Variants in HSPA12A observed in about 807,000 individuals in gnomAD.
The protein encoded by HSPA12A is heat shock 70 kDa protein 12A.
Under a neutral mutation model 69.2 loss-of-function variants are expected in HSPA12A, and 28 were observed. The ratio of observed to expected loss-of-function variants is 0.40; its 90% CI spans 0.30 to 0.55. HSPA12A has a LOEUF of 0.55. Ranked by LOEUF, HSPA12A falls within the 20% of genes least tolerant of loss-of-function variation. The pLI, the probability that HSPA12A is intolerant of heterozygous loss-of-function variation, is 0.38. For synonymous variants in HSPA12A, 345 were observed against 370.5 expected (o/e 0.93, Z 0.79); for missense variants, 686 against 900.7 (o/e 0.76, Z 3.05).
At position 116,756,512 on chromosome 10, in the gene HSPA12A, CCCTGAGCCTGCTCG is replaced by C. The variant is rs1484333237; in HGVS notation, c.92-49241_92-49228del. Among the ~76,000 whole-genome samples the C allele has an allele frequency of 2.6e-5, 4 of 152,240 alleles. No individual in the cohort carries two copies. In the East Asian group the frequency reaches 7.7e-4, roughly 29 times the overall value. Reference sequence around the variant, plus strand: ...GAGTGAGCTCAGAATGGCTGCCCTTCCCTGAGCCTGCTCGCCTTGGCACACGGGCACCCTCTGGG... The same window carrying C: ...GAGTGAGCTCAGAATGGCTGCCCTTCCCTTGGCACACGGGCACCCTCTGGG... On this transcript the variant is annotated intron_variant, in intron 2 of 12. Transcript: ENST00000635765.
intron 2 of HSPA12A, among the ~76,000 whole-genome samples, chr10:116,790,092 CTTTTTTTT>C (rs140785704): frequency 4.3e-5 from 3 of 69,148 alleles, no homozygotes; most frequent in Middle Eastern, 0.013. Context: ...GATAATCTTT[CTTTTTTTT>C]TTTTTTTTTT....
intron 1 of HSPA12A, among the ~76,000 whole-genome samples, chr10:116,726,570 C>T (rs1850969425): frequency 6.6e-6 from 1 of 152,102 alleles, no homozygotes; most frequent in African/African-American, 2.4e-5. Flanking sequence ...TTGGGTAGAC[C>T]ATCCCCAATT....
chr10:116,779,175 G>C (rs1269799135), intron 2 of HSPA12A, among the ~76,000 whole-genome samples: 1 of 152,182 alleles, frequency 6.6e-6, no homozygotes, highest in Non-Finnish European at 1.5e-5. Flanking sequence ...GCAACATCGT[G>C]AGCGACACAT....
chr10:116,690,946 C>A (rs782579252), intron 6 of HSPA12A, among the ~76,000 whole-genome samples: 1 of 152,228 alleles, frequency 6.6e-6, no homozygotes, highest in Non-Finnish European at 1.5e-5. Flanking sequence ...CGCCAGGTGG[C>A]GTCTCTGCAG....
chr10:116,792,825 G>A (rs1051623919), intron 2 of HSPA12A, among the ~76,000 whole-genome samples: 7 of 150,124 alleles, frequency 4.7e-5, no homozygotes, highest in South Asian at 4.2e-4. Context: ...AAGAAAGAAA[G>A]AAAGAAAAAG....
chr10:116,759,288 G>A (rs1843920255), intron 2 of HSPA12A, among the ~76,000 whole-genome samples: 1 of 152,190 alleles, frequency 6.6e-6, no homozygotes, highest in Non-Finnish European at 1.5e-5. Flanking sequence ...CAGTTTCACT[G>A]TTAGCTTGAC....
intron 2 of HSPA12A, among the ~76,000 whole-genome samples, chr10:116,765,331 T>C (rs782413430): frequency 1.3e-4 from 20 of 151,944 alleles, no homozygotes; most frequent in Non-Finnish European, 2.2e-4. Flanking sequence ...CAAAAAAAAT[T>C]TAAATTAAAT....
intron 2 of HSPA12A, among the ~76,000 whole-genome samples, chr10:116,820,770 T>C (rs1845398002): frequency 6.6e-6 from 1 of 152,082 alleles, no homozygotes; most frequent in Non-Finnish European, 1.5e-5. Context: ...TTGACATTTC[T>C]AGTCGGAGCT....
rs1182877230 is a variant in HSPA12A at position 116,740,697 on chromosome 10, CGTGT to C, written c.40+1729_40+1732del. On this transcript the variant is annotated intron_variant, in intron 1 of 11. Coordinates refer to ENST00000369209, the MANE Select transcript of HSPA12A (RefSeq NM_025015.3). ...GTGTCTGTGTGTGTGTGTGTGTGTGCGTGTGTGTGTGTGTTAGGATAGGGGTGCT... is the reference window on the plus strand; with the variant it reads ...GTGTCTGTGTGTGTGTGTGTGTGTGCGTGTGTGTGTTAGGATAGGGGTGCT... 6.9e-3 allele frequency among the ~76,000 whole-genome samples: 594 copies of C among 86,554 alleles called. 4 individuals carry two copies. The highest frequency in any genetic ancestry group is 0.025 in the African/African-American group (522 of 20,832). The allele number at this position is 86,554 out of a possible 152,430, so 56.8% of individuals were successfully genotyped here. A position where few individuals can be genotyped will look rare whatever the true frequency, so the allele number is the denominator to read the frequency against.
At chr10:116,767,150 T>C (rs1279634516) in intron 2 of HSPA12A, among the ~76,000 whole-genome samples, 1 of 152,112 alleles carries the variant, frequency 6.6e-6, no homozygotes, top group Non-Finnish European at 1.5e-5. Flanking sequence ...TGCTTCACAG[T>C]GTCTCCTCTC....
At chr10:116,842,689 G>A (rs1589736699) in intron 1 of HSPA12A, among the ~76,000 whole-genome samples, 2 of 152,220 alleles carry the variant, frequency 1.3e-5, no homozygotes, top group East Asian at 1.9e-4. Flanking sequence ...TACAACCTCT[G>A]CCTCCCGGGT....
chr10:116,690,841 G>A (rs1445302509), intron 6 of HSPA12A, among the ~76,000 whole-genome samples: 2 of 151,484 alleles, frequency 1.3e-5, no homozygotes, highest in Non-Finnish European at 2.9e-5. Flanking sequence ...TGACCTTTTC[G>A]TGGGTCACAC....
At chr10:116,757,254 G>A (rs1450692569) in intron 2 of HSPA12A, among the ~76,000 whole-genome samples, 2 of 152,302 alleles carry the variant, frequency 1.3e-5, no homozygotes, top group Middle Eastern at 3.4e-3. Flanking sequence ...GAATTGGCAC[G>A]TTAGTGTTAC....
In HSPA12A at chr10:116,701,007, T is replaced by A. The variant is rs1554881560; in HGVS notation, c.377A>T (p.Asp126Val). The A allele has an allele frequency of 1.2e-6, 2 of 1,614,020 alleles. No individual in the cohort carries two copies. Among genetic ancestry groups the A allele is most frequent in the Non-Finnish European group, 1.7e-6 (2 of 1,180,016 alleles). ...YAARDFYHDL[D>V]PNEAKQWLYL... The stretch of plus-strand genomic sequence containing the variant: ...CAGCCACTGCTTGGCCTCATTGGGA[T>A]CCAGGTCATGGTAAAAGTCCCTGGC... The change falls in exon 4 of 12, where the codon GAT (aspartate) becomes GTT (valine). Residue 126 changes from aspartate (D) to valine (V), a missense_variant. Physicochemically the swap from Asp to Val is radical, Grantham distance 152 (BLOSUM62 -3). Coordinates refer to ENST00000369209, the MANE Select transcript of HSPA12A (RefSeq NM_025015.3).
At chr10:116,779,108 C>G (rs1266637552) in intron 2 of HSPA12A, among the ~76,000 whole-genome samples, 1 of 152,224 alleles carries the variant, frequency 6.6e-6, no homozygotes, top group Non-Finnish European at 1.5e-5. Context: ...AGTGCCATCA[C>G]TCAAGGCACG....
In HSPA12A at chr10:116,694,759, C is replaced by T. The variant is rs868932283; in HGVS notation, c.547-2292G>A. Among the ~76,000 whole-genome samples the T allele has an allele frequency of 1.2e-4, 18 of 152,290 alleles. 1 individual carries two copies. The South Asian group carries it at 3.1e-3, about 26-fold the overall frequency. On this transcript the variant is annotated intron_variant, in intron 5 of 11. Coordinates refer to ENST00000369209, the MANE Select transcript of HSPA12A (RefSeq NM_025015.3). The stretch of plus-strand genomic sequence containing the variant: ...TCACGTGGCCTCCTGGGCCACCAGG[C>T]GCTGAGCCTGTCCCTCTGCAACCTT...
intron 1 of HSPA12A, among the ~76,000 whole-genome samples, chr10:116,712,738 C>T (rs1358405524): frequency 6.6e-6 from 1 of 151,872 alleles, no homozygotes; most frequent in African/African-American, 2.4e-5. Context: ...CTCTGAGATA[C>T]ATAAAATCAA....
At position 116,804,701 on chromosome 10, in the gene HSPA12A, C is replaced by T. The variant is rs560750574; in HGVS notation, c.91+30234G>A. Among the ~76,000 whole-genome samples the T allele has an allele frequency of 1.6e-3, 251 of 152,270 alleles. 1 individual carries two copies. Among genetic ancestry groups the T allele is most frequent in the African/African-American group, 5.8e-3 (240 of 41,554 alleles). On this transcript the variant is annotated intron_variant, in intron 2 of 12. Transcript: ENST00000635765. Reference sequence around the variant, plus strand: ...CTCCCTGGTTGTTATAAGATTAAAACAATTTTCCCCCTCAGTAAATGCTTC... The same window carrying T: ...CTCCCTGGTTGTTATAAGATTAAAATAATTTTCCCCCTCAGTAAATGCTTC...
At chr10:116,725,250 T>G (rs1228008011) in intron 1 of HSPA12A, among the ~76,000 whole-genome samples, 4 of 152,168 alleles carry the variant, frequency 2.6e-5, no homozygotes, top group Admixed American at 6.5e-5. Flanking sequence ...AAATGTCCCC[T>G]GCCTGAAGTG....
Sources: allele counts gnomAD v4.1 joint callset (sites outside exome capture counted in the v4.1 genomes callset), GRCh38; gene constraint gnomAD v4.1.1; transcripts MANE v1.5; gene names NCBI Gene and HGNC (gene_info 2026-07-23, HGNC 2026-07-21).